Variants in WDFY2 observed in about 807,000 individuals in gnomAD.
The protein encoded by WDFY2 is WD repeat and FYVE domain containing 2.
Under a neutral mutation model 56.4 loss-of-function variants are expected in WDFY2, and 36 were observed. The ratio of observed to expected loss-of-function variants is 0.64; its 90% CI spans 0.49 to 0.84. WDFY2 has a LOEUF of 0.84. WDFY2 is among the 40% of genes least tolerant of loss of function. The pLI is 0.00. For missense variants in WDFY2, 444 were observed against 512.2 expected (o/e 0.87, Z 1.29); for synonymous variants, 176 against 183.7 (o/e 0.96, Z 0.34).
Position 51,758,221 on chromosome 13 carries a change from G to A in WDFY2, c.1094G>A (p.Ser365Asn). The change falls in exon 11 of 12, where the codon AGT becomes AAT. Residue 365 changes from serine (S) to asparagine (N), a missense_variant. Ser to Asn is a conservative substitution (Grantham distance 46). Coordinates refer to ENST00000298125, the MANE Select transcript of WDFY2 (RefSeq NM_052950.4). ...ERAPTATFHD[S>N]KHNIVHVHFD... is the part of the protein sequence containing the mutation. ...GCACCCACAGCCACCTTCCATGACA[G>A]TAAACATAACATTGTGCATGTGCAT... 1.3e-6 allele frequency: 2 copies of A among 1,590,528 alleles called. No homozygotes were observed. Among genetic ancestry groups the A allele is most frequent in the South Asian group, 1.1e-5 (1 of 88,714 alleles).
intron 3 of WDFY2, among the ~76,000 whole-genome samples, chr13:51,700,886 G>C (rs949151544): frequency 6.6e-6 from 1 of 152,190 alleles, no homozygotes; most frequent in African/African-American, 2.4e-5. Context: ...AGAATCGCTT[G>C]AACCCAGGAG....
intron 1 of WDFY2, among the ~76,000 whole-genome samples, chr13:51,619,390 A>G (rs1394304931): frequency 2.0e-5 from 3 of 151,760 alleles, no homozygotes; most frequent in Non-Finnish European, 4.4e-5. Flanking sequence ...CTGTGATCAC[A>G]CCACTATACT....
intron 3 of WDFY2, among the ~76,000 whole-genome samples, chr13:51,697,008 T>C (rs2138566998): frequency 6.6e-6 from 1 of 152,190 alleles, no homozygotes; most frequent in Non-Finnish European, 1.5e-5. Flanking sequence ...GATAGAAAAG[T>C]CATGAAAGAG....
At chr13:51,680,380 G>A (rs1032291989) in intron 3 of WDFY2, among the ~76,000 whole-genome samples, 1 of 152,164 alleles carries the variant, frequency 6.6e-6, no homozygotes, top group East Asian at 1.9e-4. Context: ...GGGATTACAG[G>A]TGTGAGCCAC....
At chr13:51,759,216 G>A (rs1953499825) in intron 11 of WDFY2, among the ~76,000 whole-genome samples, 1 of 152,110 alleles carries the variant, frequency 6.6e-6, no homozygotes, top group Non-Finnish European at 1.5e-5. Context: ...ATAAACTCTG[G>A]CAGCCTCAGG....
intron 1 of WDFY2, among the ~76,000 whole-genome samples, chr13:51,619,745 A>C (rs1954690578): frequency 1.3e-5 from 2 of 152,240 alleles, no homozygotes; most frequent in Admixed American, 1.3e-4. Flanking sequence ...GAATGACTCT[A>C]GAGCTGCCAC....
intron 1 of WDFY2, among the ~76,000 whole-genome samples, chr13:51,609,697 G>GAAA (rs1263935459): frequency 7.9e-6 from 1 of 126,384 alleles, no homozygotes; most frequent in Non-Finnish European, 1.6e-5. Context: ...GTGATTAAAA[G>GAAA]AAAAAAAATA....
At chr13:51,645,679 T>A (rs1276974001) in intron 1 of WDFY2, among the ~76,000 whole-genome samples, 1 of 152,218 alleles carries the variant, frequency 6.6e-6, no homozygotes, top group South Asian at 2.1e-4. Flanking sequence ...GTCTGTAAAG[T>A]AAAGAAGGAT....
chr13:51,663,634 A>G lies in WDFY2; in HGVS notation c.205+2971A>G, dbSNP rs559290905. Among the ~76,000 whole-genome samples, 3 of 152,354 alleles carry G rather than the reference A, an allele frequency of 2.0e-5. No individual in the cohort carries two copies. In the East Asian group the frequency reaches 5.8e-4, roughly 29 times the overall value. ...CTTGAGAGAGGCAGAATCTTATTGCATGAGGAAATAAGCTACATTTCAATC... is the reference window on the plus strand; with the variant it reads ...CTTGAGAGAGGCAGAATCTTATTGCGTGAGGAAATAAGCTACATTTCAATC... On this transcript the variant is annotated intron_variant, in intron 2 of 11. Coordinates refer to ENST00000298125, the MANE Select transcript of WDFY2 (RefSeq NM_052950.4).
At chr13:51,659,147 G>A (rs918502664) in intron 1 of WDFY2, among the ~76,000 whole-genome samples, 1 of 151,980 alleles carries the variant, frequency 6.6e-6, no homozygotes, top group Non-Finnish European at 1.5e-5. Flanking sequence ...GGCTGGTTTC[G>A]AACTCCTGAC....
intron 3 of WDFY2, among the ~76,000 whole-genome samples, chr13:51,680,865 C>G (rs1337290486): frequency 1.3e-5 from 2 of 152,070 alleles, no homozygotes; most frequent in Non-Finnish European, 2.9e-5. Context: ...TGTATTATAC[C>G]AGGCCAATTT....
intron 3 of WDFY2, among the ~76,000 whole-genome samples, chr13:51,678,169 C>T (rs751428769): frequency 4.6e-5 from 7 of 152,108 alleles, no homozygotes; most frequent in Non-Finnish European, 5.9e-5. Context: ...TAGTCACACA[C>T]GGTACTCAGT....
chr13:51,696,469 T>C (rs1951878707), intron 3 of WDFY2, among the ~76,000 whole-genome samples: 1 of 152,228 alleles, frequency 6.6e-6, no homozygotes, highest in Admixed American at 6.5e-5. Context: ...CTACTATAAT[T>C]AAATCATTTT....
chr13:51,739,159 G>A lies in WDFY2; in HGVS notation c.709G>A (p.Glu237Lys). The A allele has an allele frequency of 6.3e-7, 1 of 1,590,120 alleles. No homozygotes were observed. The highest frequency in any genetic ancestry group is 8.6e-7 in the Non-Finnish European group (1 of 1,168,842). ...CGGTGGGAGAAAAGGAACAGCCATCGAGCTCCAAGGACACAAGTAAGGTTG... is the reference window on the plus strand; with the variant it reads ...CGGTGGGAGAAAAGGAACAGCCATCAAGCTCCAAGGACACAAGTAAGGTTG... ...DIGGRKGTAI[E>K]LQGHNDRVQA... The change falls in exon 7 of 12, where the codon GAG becomes AAG. Residue 237 changes from glutamate to lysine, a missense_variant. Glu to Lys is a moderately conservative substitution (Grantham distance 56). Coordinates refer to ENST00000298125, the MANE Select transcript of WDFY2 (RefSeq NM_052950.4).
intron 7 of WDFY2, among the ~76,000 whole-genome samples, chr13:51,743,156 C>T (rs948215243): frequency 6.6e-6 from 1 of 152,072 alleles, no homozygotes; most frequent in South Asian, 2.1e-4. Flanking sequence ...ATAGAGGGGA[C>T]GAGATGTGTC....
chr13:51,653,613 T>C (rs185482785), intron 1 of WDFY2, among the ~76,000 whole-genome samples: 21 of 152,344 alleles, frequency 1.4e-4, no homozygotes, highest in Non-Finnish European at 1.9e-4. Flanking sequence ...TTAGCTTTTC[T>C]TCCTTCTAAC....
chr13:51,609,920 A>G (rs1290276362), intron 1 of WDFY2, among the ~76,000 whole-genome samples: 1 of 152,168 alleles, frequency 6.6e-6, no homozygotes, highest in African/African-American at 2.4e-5. Flanking sequence ...TCTGCTTTGT[A>G]AACTCCCTGG....
At chr13:51,584,965 T>G (rs1487844560) in intron 1 of WDFY2, 141 bp downstream of exon 1, 2 of 1,215,228 alleles carry the variant, frequency 1.6e-6, no homozygotes, top group Non-Finnish European at 2.2e-6. Flanking sequence ...ATCCTGGTGG[T>G]GCCGGTGTTC....
rs1292033624 is a variant in WDFY2 at position 51,673,981 on chromosome 13, A to G, written c.206-1189A>G. On this transcript the variant is annotated intron_variant, in intron 2 of 11. Coordinates refer to ENST00000298125, the MANE Select transcript of WDFY2 (RefSeq NM_052950.4). Reference sequence around the variant, plus strand: ...GTTGTTTTATTCAGGGCCCTTTTATAAAGAATGAAAAATATGTTACTAAGT... The same window carrying G: ...GTTGTTTTATTCAGGGCCCTTTTATGAAGAATGAAAAATATGTTACTAAGT... 2.0e-5 allele frequency among the ~76,000 whole-genome samples: 3 copies of G among 152,154 alleles called. No homozygotes were observed. The East Asian group carries it at 5.8e-4, about 29-fold the overall frequency.
Sources: gnomAD v4.1 joint callset for allele counts (sites outside exome capture counted in the v4.1 genomes callset) on GRCh38, gnomAD v4.1.1 for gene constraint, MANE v1.5 for transcripts, NCBI Gene and HGNC (gene_info 2026-07-23, HGNC 2026-07-21) for gene names.